The following MEI1 variants were observed in gnomAD, a reference collection of about 807,000 sequenced individuals.
MEI1 encodes the protein meiosis inhibitor protein 1.
Under a neutral mutation model 146.2 loss-of-function variants are expected in MEI1, and 103 were observed. The ratio of observed to expected loss-of-function variants is 0.70; its 90% CI spans 0.60 to 0.83. MEI1 has a LOEUF of 0.83. Ranked by LOEUF, MEI1 falls within the 40% of genes least tolerant of loss-of-function variation. MEI1 has a pLI of 0.00. For synonymous variants in MEI1, 652 were observed against 628.2 expected (o/e 1.04, Z -0.57); for missense variants, 1,529 against 1,533.0 (o/e 1.00, Z 0.04).
At chr22:41,710,134 T>G (rs1391678692) in intron 3 of MEI1, among the ~76,000 whole-genome samples, 1 of 151,840 alleles carries the variant, frequency 6.6e-6, no homozygotes, top group African/African-American at 2.4e-5. Flanking sequence ...GAAGAGCAAA[T>G]TTGAACACAC....
intron 8 of MEI1, 38 bp from the exon 9 acceptor site, chr22:41,730,483 G>A (rs767790261): frequency 7.2e-7 from 1 of 1,386,990 alleles, no homozygotes; most frequent in Non-Finnish European, 1.0e-6. Flanking sequence ...TGATCACATG[G>A]CTGTCATTTA....
Position 41,793,032 on chromosome 22 carries a change from C to CTTTTTTTTTTT in MEI1, c.3346-776_3346-766dup, listed in dbSNP as rs869223251. On this transcript the variant is annotated intron_variant, in intron 26 of 30. Coordinates refer to ENST00000401548, the MANE Select transcript of MEI1 (RefSeq NM_152513.4). Reference sequence around the variant, plus strand: ...ATCTTCTTTTCTGAAACAAAGCATTCTTTTTTTTTTTTTTTTTTTTTTTTT... The same window carrying CTTTTTTTTTTT: ...ATCTTCTTTTCTGAAACAAAGCATTCTTTTTTTTTTTTTTTTTTTTTTTTTTTTTTTTTTTT... Among the ~76,000 whole-genome samples, 12 of 48,454 alleles carry CTTTTTTTTTTT rather than the reference C, an allele frequency of 2.5e-4. 1 individual carries two copies. Among genetic ancestry groups the CTTTTTTTTTTT allele is most frequent in the East Asian group, 1.1e-3 (1 of 942 alleles). 31.8% of individuals were successfully genotyped at this position (48,454 alleles called of 152,430 possible). A position where few individuals can be genotyped will look rare whatever the true frequency, so the allele number is the denominator to read the frequency against.
intron 19 of MEI1, chr22:41,767,543 C>A (rs1431365202): frequency 4.4e-6 from 2 of 455,662 alleles, no homozygotes; most frequent in Non-Finnish European, 8.8e-6. Context: ...GAGTGTCAGG[C>A]CTTACTTATG....
At chr22:41,747,049 T>TATAATAATAATAATAATA (rs3045435) in intron 14 of MEI1, among the ~76,000 whole-genome samples, 2 of 149,356 alleles carry the variant, frequency 1.3e-5, no homozygotes, top group Non-Finnish European at 3.0e-5. Flanking sequence ...ATATTACTTT[T>TATAATAATAATAATAATA]ATAATAATAA....
At chr22:41,743,039 G>A (rs73161391) in intron 11 of MEI1, 41 bp from the exon 12 acceptor site, 394 of 1,448,540 alleles carry the variant, frequency 2.7e-4, no homozygotes, top group Middle Eastern at 8.6e-4. Context: ...TGGGAATACC[G>A]TTGCCTTACC....
chr22:41,755,788 G>A (rs1039951172), intron 17 of MEI1, among the ~76,000 whole-genome samples: 21 of 152,164 alleles, frequency 1.4e-4, no homozygotes, highest in Non-Finnish European at 1.5e-5. Flanking sequence ...ATTGATGAGA[G>A]CATGCTTTGG....
intron 3 of MEI1, among the ~76,000 whole-genome samples, chr22:41,710,890 C>T (rs1214975178): frequency 6.6e-6 from 1 of 152,188 alleles, no homozygotes; most frequent in African/African-American, 2.4e-5. Flanking sequence ...ATCAATTTAG[C>T]CTTGACAAGG....
At position 41,778,748 on chromosome 22, in the gene MEI1, G is replaced by A; in HGVS notation, c.2751G>A (p.Leu917=). Residue 917 remains leucine, a synonymous_variant, in exon 22 of 31, where the codon CTG becomes CTA. Transcript: ENST00000401548. ...NLPLLLSLLS[L]MQLRNVSEQE... is the part of the protein sequence containing the mutation. ...CATTGCTGCTGAGCCTCCTCTCCCT[G>A]ATGCAGCTCAGGAATGTGTCAGAGC... The A allele has an allele frequency of 6.2e-7, 1 of 1,609,230 alleles. No homozygotes were observed. The highest frequency in any genetic ancestry group is 1.1e-5 in the South Asian group (1 of 89,752).
chr22:41,799,267 G>GT lies in MEI1; in HGVS notation c.3794dup (p.Ala1266GlyfsTer15). 6.2e-7 allele frequency: 1 copy of GT among 1,613,502 alleles called. No individual in the cohort carries two copies. The highest frequency in any genetic ancestry group is 8.5e-7 in the Non-Finnish European group (1 of 1,179,610). On this transcript the variant is annotated frameshift_variant, in exon 31 of 31. Transcript: ENST00000401548. LOFTEE classifies it high-confidence loss of function. ...TTTTGCTGCCAGCTGCCTGGGAGGG[G>GT]TGGCTGTATCCCTGTCCCACATCAG...
intron 7 of MEI1, among the ~76,000 whole-genome samples, chr22:41,728,026 G>A (rs1051668884): frequency 2.0e-5 from 3 of 152,066 alleles, no homozygotes; most frequent in Non-Finnish European, 2.9e-5. Context: ...CAGGACCGCC[G>A]GCATATACCC....
intron 1 of MEI1, among the ~76,000 whole-genome samples, chr22:41,701,095 A>G (rs1171864663): frequency 1.3e-5 from 2 of 151,754 alleles, no homozygotes; most frequent in Non-Finnish European, 2.9e-5. Context: ...ATGCGTCACT[A>G]CGCCCAGCTA....
chr22:41,779,485 G>T (rs2075642136), intron 22 of MEI1, among the ~76,000 whole-genome samples: 1 of 152,138 alleles, frequency 6.6e-6, no homozygotes, highest in Admixed American at 6.6e-5. Flanking sequence ...ACAGGCACAA[G>T]CTCTAGAGTC....
chr22:41,781,014 C>T (rs1028270058), intron 22 of MEI1, among the ~76,000 whole-genome samples: 3 of 152,206 alleles, frequency 2.0e-5, no homozygotes, highest in Admixed American at 6.5e-5. Flanking sequence ...AAGGTGGTGA[C>T]GATGTTCACA....
At chr22:41,770,136 GA>G (rs57338228) in intron 19 of MEI1, among the ~76,000 whole-genome samples, 22 of 144,422 alleles carry the variant, frequency 1.5e-4, no homozygotes, top group Admixed American at 2.8e-4. Flanking sequence ...CTCTGTCTCA[GA>G]AAAAAAAAAA....
chr22:41,725,646 TC>T (rs1301766509), intron 7 of MEI1, among the ~76,000 whole-genome samples: 2 of 152,244 alleles, frequency 1.3e-5, no homozygotes, highest in African/African-American at 2.4e-5. Context: ...TGCTAGGTCA[TC>T]CTGTCTCACT....
chr22:41,741,317 T>A (rs531685290), intron 11 of MEI1, among the ~76,000 whole-genome samples: 1 of 152,320 alleles, frequency 6.6e-6, no homozygotes, highest in South Asian at 2.1e-4. Context: ...TGTGGTAATT[T>A]ATTATAGCAG....
At chr22:41,744,280 C>G (rs2073113521) in intron 12 of MEI1, among the ~76,000 whole-genome samples, 2 of 152,036 alleles carry the variant, frequency 1.3e-5, no homozygotes, top group African/African-American at 4.8e-5. Flanking sequence ...AAGCAATTCT[C>G]CTGCCTCAGC....
At chr22:41,787,853 A>G (rs1055764712) in intron 26 of MEI1, among the ~76,000 whole-genome samples, 2 of 152,210 alleles carry the variant, frequency 1.3e-5, no homozygotes, top group African/African-American at 4.8e-5. Flanking sequence ...GGAAACACAA[A>G]TAACTACATC....
At chr22:41,773,426 T>C (rs1322897042) in intron 20 of MEI1, among the ~76,000 whole-genome samples, 1 of 152,146 alleles carries the variant, frequency 6.6e-6, no homozygotes, top group African/African-American at 2.4e-5. Context: ...TGACTGCCTC[T>C]GAACCAGATA....
Sources: gnomAD v4.1 joint callset for allele counts (sites outside exome capture counted in the v4.1 genomes callset) on GRCh38, gnomAD v4.1.1 for gene constraint, MANE v1.5 for transcripts, NCBI Gene and HGNC (gene_info 2026-07-23, HGNC 2026-07-21) for gene names.